Variants in CD3E observed in about 807,000 individuals in gnomAD.
CD3E encodes the protein T-cell surface glycoprotein CD3 epsilon chain.
Under a neutral mutation model 34.7 loss-of-function variants are expected in CD3E, and 16 were observed. The ratio of observed to expected loss-of-function variants is 0.46; its 90% CI spans 0.31 to 0.70. The LOEUF (loss-of-function observed/expected upper bound fraction) is 0.70. CD3E is among the 30% of genes least tolerant of loss of function. CD3E has a pLI of 0.05. For missense variants in CD3E, 223 were observed against 253.9 expected (o/e 0.88, Z 0.83); for synonymous variants, 70 against 90.8 (o/e 0.77, Z 1.30).
intron 2 of CD3E, 144 bp from the exon 3 acceptor site, chr11:118,307,144 G>A (rs1948111431): frequency 3.0e-6 from 2 of 671,604 alleles, no homozygotes; most frequent in Admixed American, 2.5e-5. Flanking sequence ...GTTCTAGGGT[G>A]TAGAAATGGC....
chr11:118,314,228 A>C (rs918100740), intron 7 of CD3E, among the ~76,000 whole-genome samples: 1 of 152,036 alleles, frequency 6.6e-6, no homozygotes, highest in South Asian at 2.1e-4. Flanking sequence ...CAATGGGAGG[A>C]TCTTGAGCTG....
At chr11:118,308,378 C>G in intron 3 of CD3E, 49 bp from the exon 4 acceptor site, 1 of 1,490,758 alleles carries the variant, frequency 6.7e-7, no homozygotes, top group Non-Finnish European at 9.3e-7. Flanking sequence ...GTCTGATCTT[C>G]ATTGCCGATA....
At chr11:118,313,216 G>T in intron 6 of CD3E, 2 of 374,906 alleles carry the variant, frequency 5.3e-6, no homozygotes, top group Non-Finnish European at 1.0e-5. Context: ...AGAAAGGTTT[G>T]CAAAAAACAC....
intron 8 of CD3E, among the ~76,000 whole-genome samples, chr11:118,314,720 G>A (rs796389797): frequency 2.0e-4 from 30 of 152,238 alleles, no homozygotes; most frequent in African/African-American, 7.2e-4. Context: ...GCTTGCAGGA[G>A]ACATACTCCT....
rs974345352 is a variant in CD3E, at chr11:118,314,388, A to G, written c.521-60A>G. 2.8e-6 allele frequency: 4 copies of G among 1,435,606 alleles called. No homozygotes were observed. In the South Asian group the frequency reaches 3.5e-5, roughly 13 times the overall value. 88.9% of individuals were successfully genotyped at this position (1,435,606 alleles called of 1,614,324 possible). A position where few individuals can be genotyped will look rare whatever the true frequency, so the allele number is the denominator to read the frequency against. ...CTCTATCTGGGTCTCACTGGCACAG[A>G]CAGTGCTGCAAGATTGGTTCCCTCA... On this transcript the variant is annotated intron_variant, in intron 7 of 8. Coordinates refer to ENST00000361763, the MANE Select transcript of CD3E (RefSeq NM_000733.4).
intron 6 of CD3E, chr11:118,313,347 G>A: frequency 2.6e-6 from 1 of 379,402 alleles, no homozygotes; most frequent in Non-Finnish European, 5.0e-6. Context: ...ACTTATCAAG[G>A]ATTCTTTTTC....
At position 118,315,988 on chromosome 11, in the gene CD3E, T is replaced by C; in HGVS notation, c.*446T>C. On this transcript the variant is annotated 3_prime_UTR_variant, in exon 9 of 9. Transcript: ENST00000361763. ...AAATGTTGACAGAGGCCCTGCCCCG[T>C]TCACAGATCCTGGCCCTGAGCCAGC... is the stretch of plus-strand genomic sequence containing the variant. The C allele has an allele frequency of 4.1e-6, 1 of 244,538 alleles. No individual in the cohort carries two copies. The allele number at this position is 244,538 out of a possible 1,614,324, so 15.1% of individuals were successfully genotyped here. A position where few individuals can be genotyped will look rare whatever the true frequency, so the allele number is the denominator to read the frequency against.
intron 2 of CD3E, 23 bp downstream of exon 2, chr11:118,305,024 G>A: frequency 6.2e-7 from 1 of 1,611,874 alleles, no homozygotes; most frequent in South Asian, 1.1e-5. Context: ...GAGTGGAAAG[G>A]GTGGTGTGTC....
intron 6 of CD3E, chr11:118,313,428 G>A (rs1948147171): frequency 4.2e-6 from 2 of 479,262 alleles, no homozygotes; most frequent in African/African-American, 3.9e-5. Flanking sequence ...TGAGGAAACA[G>A]AGGGTTTGTG....
Position 118,312,711 on chromosome 11 carries a change from T to C in CD3E, c.197T>C (p.Ile66Thr). ...EILWQHNDKN[I>T]GGDEDDKNIG... ...CTATGGCAACACAATGATAAAAACATAGGCGGTGATGAGGATGATAAAAAC... is the reference window on the plus strand; with the variant it reads ...CTATGGCAACACAATGATAAAAACACAGGCGGTGATGAGGATGATAAAAAC... The change falls in exon 6 of 9, where the codon ATA (isoleucine) becomes ACA (threonine). Residue 66 changes from isoleucine to threonine, a missense_variant. Ile to Thr is a moderately conservative substitution (Grantham distance 89, BLOSUM62 -1). Transcript: ENST00000361763. The C allele has an allele frequency of 2.5e-6, 4 of 1,614,060 alleles. No individual in the cohort carries two copies. The highest frequency in any genetic ancestry group is 3.4e-6 in the Non-Finnish European group (4 of 1,180,000).
At position 118,312,837 on chromosome 11, in the gene CD3E, C is replaced by A. The variant is rs35299792; in HGVS notation, c.323C>A (p.Ala108Glu). 4 of 1,614,098 alleles carry A rather than the reference C, an allele frequency of 2.5e-6. No homozygotes were observed. In the Admixed American group the frequency reaches 5.0e-5, roughly 20 times the overall value. Residue 108 changes from alanine to glutamate, a missense_variant, in exon 6 of 9, where the codon GCG (alanine) becomes GAG (glutamate). Physicochemically the swap from Ala to Glu is moderately radical, Grantham distance 107. Transcript: ENST00000361763. Reference sequence around the variant, plus strand: ...CCCAGAGGAAGCAAACCAGAAGATGCGAACTTTTATCTCTACCTGAGGGCA... The same window carrying A: ...CCCAGAGGAAGCAAACCAGAAGATGAGAACTTTTATCTCTACCTGAGGGCA... ...CYPRGSKPED[A>E]NFYLYLRARV... is the part of the protein sequence containing the mutation.
chr11:118,307,995 C>T (rs1948117000), intron 3 of CD3E, among the ~76,000 whole-genome samples: 1 of 152,104 alleles, frequency 6.6e-6, no homozygotes, highest in African/African-American at 2.4e-5. Context: ...ATGGCGAAAC[C>T]CCGTCTCTAC....
intron 8 of CD3E, among the ~76,000 whole-genome samples, chr11:118,314,930 C>T (rs61121124): frequency 6.7e-6 from 1 of 149,190 alleles, no homozygotes; most frequent in South Asian, 2.1e-4. Context: ...CCAAACTTTG[C>T]TCACCCCAAC....
rs545252866 is a variant in CD3E, at chr11:118,312,989, A to G, written c.352+123A>G. On this transcript the variant is annotated intron_variant, in intron 6 of 8. Transcript: ENST00000361763. ...CAGGCGTCTTTGCGCTTCCTCCCAC[A>G]CTCAATCCTGGGACTCTCTGGTACC... 421 of 1,073,020 alleles carry G rather than the reference A, an allele frequency of 3.9e-4. 7 individuals carry two copies. In the South Asian group the frequency reaches 4.9e-3, roughly 13 times the overall value. The allele number at this position is 1,073,020 out of a possible 1,614,324, so 66.5% of individuals were successfully genotyped here.
At chr11:118,313,430 G>A (rs1034634703) in intron 6 of CD3E, 2 of 482,274 alleles carry the variant, frequency 4.1e-6, no homozygotes, top group Non-Finnish European at 7.6e-6. Context: ...AGGAAACAGA[G>A]GGTTTGTGAG....
intron 2 of CD3E, 62 bp downstream of exon 2, chr11:118,305,063 A>C: frequency 7.1e-7 from 1 of 1,417,998 alleles, no homozygotes; most frequent in Non-Finnish European, 1.0e-6. Context: ...TTACAGCCTT[A>C]CCTGGCACTG....
chr11:118,313,483 A>T, intron 6 of CD3E: 1 of 574,634 alleles, frequency 1.7e-6, no homozygotes, highest in Non-Finnish European at 3.1e-6. Flanking sequence ...TGAGTAATAA[A>T]GCTGGGACTC....
At chr11:118,306,106 G>A (rs1038110391) in intron 2 of CD3E, among the ~76,000 whole-genome samples, 16 of 152,108 alleles carry the variant, frequency 1.1e-4, no homozygotes, top group African/African-American at 3.4e-4. Context: ...ATTGAGTAGC[G>A]AGGGGCAGGA....
intron 1 of CD3E, 44 bp downstream of exon 1, chr11:118,304,820 T>C: frequency 2.5e-6 from 2 of 807,740 alleles, no homozygotes; most frequent in South Asian, 1.3e-5. Context: ...ATCCTAGCAT[T>C]GGGAACAATG....
Sources: gnomAD v4.1 joint callset for allele counts (sites outside exome capture counted in the v4.1 genomes callset) on GRCh38, gnomAD v4.1.1 for gene constraint, MANE v1.5 for transcripts, NCBI Gene and HGNC (gene_info 2026-07-23, HGNC 2026-07-21) for gene names.